The following DDHD2 variants were observed in gnomAD, a reference collection of about 807,000 sequenced individuals.
DDHD2 encodes the protein triacylglycerol hydrolase DDHD2.
In DDHD2, 62 loss-of-function variants were observed where a neutral mutation model predicts 91.2. The ratio of observed to expected loss-of-function variants is 0.68; its 90% CI spans 0.55 to 0.84. The LOEUF (loss-of-function observed/expected upper bound fraction) is 0.84, where lower values mean the gene tolerates loss of function less well. Ranked by LOEUF, DDHD2 falls within the 40% of genes least tolerant of loss-of-function variation. DDHD2 has a pLI of 0.00. For synonymous variants in DDHD2, 271 were observed against 293.9 expected (o/e 0.92, Z 0.80); for missense variants, 740 against 846.9 (o/e 0.87, Z 1.57).
At chr8:38,268,772 C>T (rs1808156074) in intron 1 of DDHD2, 1 of 1,438,440 alleles carries the variant, frequency 7.0e-7, no homozygotes, top group Non-Finnish European at 9.1e-7. Context: ...CGCACAGCAG[C>T]GGAGTGGGCA....
intron 16 of DDHD2, among the ~76,000 whole-genome samples, chr8:38,254,000 C>T (rs541221927): frequency 2.0e-5 from 3 of 151,256 alleles, no homozygotes; most frequent in Admixed American, 1.3e-4. Flanking sequence ...CACTTGAGCC[C>T]AGGAGTTTGA....
intron 3 of DDHD2, 152 bp from the exon 4 acceptor site, chr8:38,237,386 A>G: frequency 2.1e-6 from 1 of 487,016 alleles, no homozygotes; most frequent in Non-Finnish European, 3.6e-6. Flanking sequence ...CAAAACAAAC[A>G]ACAACAACAA....
chr8:38,239,192 G>A (rs1805043326), intron 5 of DDHD2: 1 of 151,864 alleles, frequency 6.6e-6, no homozygotes, highest in Non-Finnish European at 1.5e-5. Flanking sequence ...TGGGCAATAT[G>A]GCGAAACCCT....
chr8:38,260,004 A>T, intron 16 of DDHD2, 36 bp from the exon 17 acceptor site: 1 of 1,314,008 alleles, frequency 7.6e-7, no homozygotes, highest in Non-Finnish European at 1.1e-6. Context: ...CACAAGTGTT[A>T]GTTCCTTTTC....
intron 16 of DDHD2, among the ~76,000 whole-genome samples, chr8:38,256,168 C>T (rs1385662723): frequency 6.6e-6 from 1 of 152,172 alleles, no homozygotes; most frequent in African/African-American, 2.4e-5. Flanking sequence ...TAATCCCTCC[C>T]TTCTTTTCTC....
At chr8:38,268,459 A>G in intron 1 of DDHD2, 2 of 1,568,968 alleles carry the variant, frequency 1.3e-6, no homozygotes, top group Non-Finnish European at 8.6e-7. Context: ...GAAATGCAAT[A>G]ACCTGAATCA....
chr8:38,269,180 G>A (rs1457121915), intron 1 of DDHD2: 4 of 1,498,010 alleles, frequency 2.7e-6, no homozygotes, highest in East Asian at 2.8e-5. Context: ...AAAGGCCACC[G>A]CCGCCGCCGC....
intron 11 of DDHD2, 23 bp from the exon 12 acceptor site, chr8:38,251,889 C>A: frequency 6.3e-7 from 1 of 1,575,128 alleles, no homozygotes; most frequent in Non-Finnish European, 8.7e-7. Context: ...AGCTTCTCCA[C>A]ATAACTATTT....
intron 1 of DDHD2, among the ~76,000 whole-genome samples, chr8:38,232,732 T>C (rs534496719): frequency 2.6e-5 from 4 of 152,336 alleles, no homozygotes; most frequent in South Asian, 2.1e-4. Context: ...TTATAACTTA[T>C]GGACTGAGTA....
At chr8:38,268,054 G>A in intron 1 of DDHD2, 2 of 1,590,482 alleles carry the variant, frequency 1.3e-6, no homozygotes, top group African/African-American at 1.3e-5. Flanking sequence ...TTTCTGAGAT[G>A]GATAGAATCC....
chr8:38,241,304 A>G (rs1035082384), intron 6 of DDHD2, among the ~76,000 whole-genome samples: 36 of 151,968 alleles, frequency 2.4e-4, no homozygotes, highest in African/African-American at 6.5e-4. Context: ...ATTCAACTGC[A>G]AGACTGTTGT....
downstream of DDHD2, chr8:38,272,821 T>C (rs965387205): frequency 6.6e-6 from 1 of 152,222 alleles, no homozygotes; most frequent in Non-Finnish European, 1.5e-5. Context: ...GAATATTTCA[T>C]TGGTGTATCA....
chr8:38,240,439 A>G lies in DDHD2; in HGVS notation c.712+75A>G, dbSNP rs1172949662. ...TGAGATAAAGCCTTGTCTTTGGTCT[A>G]TTGTCTTAGCTGCATAAGAAGATTT... On this transcript the variant is annotated intron_variant, in intron 6 of 17. Coordinates refer to ENST00000397166, the MANE Select transcript of DDHD2 (RefSeq NM_015214.3). 2.0e-5 allele frequency: 22 copies of G among 1,118,986 alleles called. 1 individual carries two copies. Among genetic ancestry groups the G allele is most frequent in the Admixed American group, 7.4e-5 (4 of 53,886 alleles). The allele number at this position is 1,118,986 out of a possible 1,614,324, so 69.3% of individuals were successfully genotyped here.
intron 3 of DDHD2, among the ~76,000 whole-genome samples, chr8:38,235,873 G>GCACACACACACACACACACA (rs36055483): frequency 6.1e-5 from 9 of 147,678 alleles, no homozygotes; most frequent in African/African-American, 2.0e-4. Context: ...AAGTACACGC[G>GCACACACACACACACACACA]CACACACACA....
At chr8:38,257,619 CAGAA>C (rs1174307905) in intron 16 of DDHD2, among the ~76,000 whole-genome samples, 1 of 150,024 alleles carries the variant, frequency 6.7e-6, no homozygotes, top group Admixed American at 6.7e-5. Context: ...GTGTCATACT[CAGAA>C]AGATCTTCCT....
intron 10 of DDHD2, 106 bp downstream of exon 10, chr8:38,247,941 T>C (rs1805774465): frequency 5.9e-6 from 5 of 848,884 alleles, no homozygotes; most frequent in Middle Eastern, 5.4e-4. Flanking sequence ...ATAAATACTT[T>C]ATGATTAATG....
At chr8:38,249,656 G>A (rs1805949813) in intron 10 of DDHD2, 52 bp from the exon 11 acceptor site, 2 of 1,348,082 alleles carry the variant, frequency 1.5e-6, no homozygotes, top group Non-Finnish European at 2.1e-6. Context: ...TAGGGGACAG[G>A]ATTGATTTTA....
At position 38,234,514 on chromosome 8, in the gene DDHD2, C is replaced by T. The variant is rs542604783; in HGVS notation, c.341C>T (p.Thr114Met). 2.2e-5 allele frequency: 35 copies of T among 1,613,068 alleles called. No individual in the cohort carries two copies. In the East Asian group the frequency reaches 6.0e-4, roughly 28 times the overall value. The change falls in exon 3 of 18, where the codon ACG (threonine) becomes ATG (methionine). Residue 114 changes from threonine (T) to methionine (M), a missense_variant. Thr to Met is a moderately conservative substitution (Grantham distance 81). Coordinates refer to ENST00000397166, the MANE Select transcript of DDHD2 (RefSeq NM_015214.3). The part of the protein sequence containing the change: ...DELASEVRRC[T>M]WFYKGDKDNK... ...CTGGCATCGGAAGTGAGACGATGTA[C>T]GTGGTTTTACAAGGGGGACAAAGAC...
downstream of DDHD2, chr8:38,267,241 G>T (rs201247350): frequency 1.3e-5 from 21 of 1,613,658 alleles, no homozygotes; most frequent in Admixed American, 3.3e-4. Context: ...AACAAGCATA[G>T]GGTAGAGTCC....
Sources: gnomAD v4.1 joint callset for allele counts (sites outside exome capture counted in the v4.1 genomes callset) on GRCh38, gnomAD v4.1.1 for gene constraint, MANE v1.5 for transcripts, NCBI Gene and HGNC (gene_info 2026-07-23, HGNC 2026-07-21) for gene names.